Variants in MAD1L1 observed in about 807,000 individuals in gnomAD.
The protein encoded by MAD1L1 is mitotic spindle assembly checkpoint protein MAD1.
A neutral mutation model predicts 96.9 loss-of-function variants in MAD1L1; 95 were observed. The ratio of observed to expected loss-of-function variants is 0.98; its 90% CI spans 0.83 to 1.16. The LOEUF is 1.16. Ranked by LOEUF, MAD1L1 falls within the 50% of genes most tolerant of loss-of-function variation. The pLI is 0.00. For missense variants in MAD1L1, 1,007 were observed against 954.4 expected, an observed-to-expected ratio of 1.06 and a Z score of -0.73; for synonymous variants, 473 against 396.6, an observed-to-expected ratio of 1.19 and a Z score of -2.29.
At chr7:1,948,296 C>T (rs1454366558) in intron 16 of MAD1L1, among the ~76,000 whole-genome samples, 1 of 152,156 alleles carries the variant, frequency 6.6e-6, no homozygotes, top group African/African-American at 2.4e-5. Flanking sequence ...CGCCATGGGC[C>T]CCAGCAAACG....
At chr7:2,213,143 G>A (rs1440518728) in intron 10 of MAD1L1, 69 bp downstream of exon 10, 2 of 1,529,698 alleles carry the variant, frequency 1.3e-6, no homozygotes, top group African/African-American at 2.7e-5. Context: ...TGAGCCGGAA[G>A]CAGGCTCTGC....
At chr7:1,901,820 C>T (rs967359459) in intron 17 of MAD1L1, among the ~76,000 whole-genome samples, 2 of 152,214 alleles carry the variant, frequency 1.3e-5, no homozygotes, top group Non-Finnish European at 2.9e-5. Context: ...TCTGGCCACA[C>T]TGACCAGGAG....
chr7:2,156,240 C>T lies in MAD1L1; in HGVS notation c.987-7002G>A, dbSNP rs560172200. On this transcript the variant is annotated intron_variant, in intron 10 of 18. Coordinates refer to ENST00000265854, the MANE Select transcript of MAD1L1 (RefSeq NM_001013836.2). ...CGGCGCGTGTGGCGAGGGGAGCGGG[C>T]GCATGGTTTCACGGCGCGTGTGGCG... is the stretch of plus-strand genomic sequence containing the variant. Among the ~76,000 whole-genome samples, 214 of 148,376 alleles carry T rather than the reference C, an allele frequency of 1.4e-3. 2 individuals are homozygous for T. Among genetic ancestry groups the T allele is most frequent in the African/African-American group, 5.0e-3 (199 of 39,738 alleles).
chr7:2,152,744 C>T (rs1359893443), intron 10 of MAD1L1, among the ~76,000 whole-genome samples: 1 of 152,176 alleles, frequency 6.6e-6, no homozygotes, highest in Non-Finnish European at 1.5e-5. Flanking sequence ...AGGTACAGTG[C>T]ACTGCTATTA....
chr7:1,862,043 G>A (rs1784558596), intron 18 of MAD1L1, among the ~76,000 whole-genome samples: 1 of 152,196 alleles, frequency 6.6e-6, no homozygotes, highest in African/African-American at 2.4e-5. Flanking sequence ...TCTCTTGAAG[G>A]CCTCCTAGAC....
rs1344787882 is a variant in MAD1L1 at position 2,216,164 on chromosome 7, G to A, written c.802C>T (p.His268Tyr). Residue 268 changes from histidine to tyrosine, a missense_variant, in exon 8 of 19, where the codon CAC (histidine) becomes TAC (tyrosine). Physicochemically the swap from His to Tyr is moderately conservative, Grantham distance 83. Transcript: ENST00000265854. The part of the protein sequence containing the change: ...ELKQLREESA[H>Y]LREMRETNGL... ...TCCCCCGCAACCCCTCACCGCAGGT[G>A]CGCGCTCTCCTCCCGCAGCTGCTTC... The A allele has an allele frequency of 6.2e-7, 1 of 1,612,818 alleles. No homozygotes were observed. Among genetic ancestry groups the A allele is most frequent in the Non-Finnish European group, 8.5e-7 (1 of 1,179,852 alleles).
At chr7:1,921,746 T>A (rs1381726055) in intron 17 of MAD1L1, among the ~76,000 whole-genome samples, 4 of 152,102 alleles carry the variant, frequency 2.6e-5, no homozygotes, top group African/African-American at 9.7e-5. Context: ...TGCCTAAGTT[T>A]TAATAAAGAT....
At chr7:1,998,589 C>T (rs1671919299) in intron 14 of MAD1L1, among the ~76,000 whole-genome samples, 1 of 152,156 alleles carries the variant, frequency 6.6e-6, no homozygotes, top group South Asian at 2.1e-4. Context: ...GAGCATCCCT[C>T]CACCCACCCC....
At chr7:1,846,455 G>A (rs879359121) in intron 18 of MAD1L1, 3 of 153,136 alleles carry the variant, frequency 2.0e-5, no homozygotes, top group African/African-American at 7.2e-5. Flanking sequence ...GCATCCAAGA[G>A]ACCCCGTGAG....
Position 2,216,240 on chromosome 7 carries a change from C to A in MAD1L1, c.726G>T (p.Val242=), listed in dbSNP as rs2114994914. 6.2e-7 allele frequency: 1 copy of A among 1,614,200 alleles called. No individual in the cohort carries two copies. The highest frequency in any genetic ancestry group is 1.6e-4 in the Middle Eastern group (1 of 6,062). ...GTACCAGCTCAGACTTCATGTTCTT[C>A]ACAATCGCTGCATCCTGCTCTTGCA... The part of the protein sequence containing the change: ...LSLQEQDAAI[V]KNMKSELVRL... The change falls in exon 8 of 19, where the codon GTG becomes GTT. Residue 242 remains valine, a synonymous_variant. Coordinates refer to ENST00000265854, the MANE Select transcript of MAD1L1 (RefSeq NM_001013836.2).
intron 11 of MAD1L1, among the ~76,000 whole-genome samples, chr7:2,125,047 C>T (rs1788166428): frequency 1.3e-5 from 2 of 152,172 alleles, no homozygotes; most frequent in South Asian, 2.1e-4. Context: ...GCTGGGCTCC[C>T]GGCCCACACT....
chr7:1,980,247 C>T (rs71525349), intron 15 of MAD1L1, among the ~76,000 whole-genome samples: 3 of 152,076 alleles, frequency 2.0e-5, no homozygotes, highest in Admixed American at 6.5e-5. Flanking sequence ...CACGCATGAG[C>T]GTGCCCACCT....
chr7:2,001,967 C>A, intron 14 of MAD1L1, 98 bp downstream of exon 14: 1 of 1,293,664 alleles, frequency 7.7e-7, no homozygotes, highest in Non-Finnish European at 1.1e-6. Flanking sequence ...CAGCCATGCA[C>A]TGGCGCCTGC....
At chr7:2,113,975 A>C (rs1787520986) in intron 11 of MAD1L1, among the ~76,000 whole-genome samples, 1 of 152,180 alleles carries the variant, frequency 6.6e-6, no homozygotes, top group South Asian at 2.1e-4. Flanking sequence ...CGCCATGGGG[A>C]TCCCAGGCCA....
At chr7:2,199,550 G>A (rs1416653379) in intron 10 of MAD1L1, among the ~76,000 whole-genome samples, 1 of 152,252 alleles carries the variant, frequency 6.6e-6, no homozygotes, top group Non-Finnish European at 1.5e-5. Context: ...GAATCACTCT[G>A]CTACACGGAT....
intron 18 of MAD1L1, among the ~76,000 whole-genome samples, chr7:1,873,956 G>A (rs979387515): frequency 1.3e-5 from 2 of 152,176 alleles, no homozygotes; most frequent in African/African-American, 4.8e-5. Context: ...GAGGCCAGAG[G>A]GCCTCTTGGA....
chr7:1,911,875 C>T (rs1392286866), intron 17 of MAD1L1, among the ~76,000 whole-genome samples: 1 of 152,272 alleles, frequency 6.6e-6, no homozygotes, highest in Non-Finnish European at 1.5e-5. Flanking sequence ...TTTCCAGCTG[C>T]GGCCACCTTT....
At chr7:2,064,814 GCGGCTTCTCC>G (rs1272446294) in intron 12 of MAD1L1, among the ~76,000 whole-genome samples, 63 of 69,944 alleles carry the variant, frequency 9.0e-4, no homozygotes, top group African/African-American at 5.6e-3. Context: ...TCCCAGGACA[GCGGCTTCTCC>G]CAGGACAGCG....
chr7:1,942,523 T>C (rs1779049186), intron 16 of MAD1L1, among the ~76,000 whole-genome samples: 1 of 151,910 alleles, frequency 6.6e-6, no homozygotes, highest in Non-Finnish European at 1.5e-5. Flanking sequence ...GGCAGCCGAG[T>C]GTCGGGATGG....
Sources: allele counts gnomAD v4.1 joint callset (sites outside exome capture counted in the v4.1 genomes callset), GRCh38; gene constraint gnomAD v4.1.1; transcripts MANE v1.5; gene names NCBI Gene and HGNC (gene_info 2026-07-23, HGNC 2026-07-21).